DNAH9: variants seen among roughly 807,000 people sequenced by gnomAD.
The protein encoded by DNAH9 is DNAH9 variant protein.
DNAH9 carries 345 observed loss-of-function variants against 471.6 expected under a neutral mutation model. The observed-to-expected ratio is 0.73, with a 90% CI of 0.67 to 0.80. The LOEUF (loss-of-function observed/expected upper bound fraction) is 0.80. DNAH9 is among the 30% of genes least tolerant of loss of function. The probability of loss-of-function intolerance (pLI) is 0.00; values close to 1 mark genes in which losing one functional copy is unlikely to be tolerated. For missense variants in DNAH9, 5,407 were observed against 5,609.2 expected, an observed-to-expected ratio of 0.96 and a Z score of 1.15; for synonymous variants, 2,093 against 2,123.6, an observed-to-expected ratio of 0.99 and a Z score of 0.40.
At chr17:11,961,815 T>C in intron 67 of DNAH9, 52 bp from the exon 68 acceptor site, 1 of 1,539,206 alleles carries the variant, frequency 6.5e-7, no homozygotes, top group Non-Finnish European at 8.7e-7. Flanking sequence ...CCAGGTGTTT[T>C]CAGGGACTTC....
In DNAH9 at chr17:11,929,880, G is replaced by A. The variant is rs745552644; in HGVS notation, c.11892G>A (p.Val3964=). The change falls in exon 63 of 69, where the codon GTG becomes GTA. Residue 3964 remains valine (V), a synonymous_variant. Coordinates refer to ENST00000262442, the MANE Select transcript of DNAH9 (RefSeq NM_001372.4). ...CTTCCCACTAGAACATTCACCTGGT[G>A]GCCAAGTGGCTCAGCACCCTGGAGA... ...HWVILQNIHL[V]AKWLSTLEKK... 8.1e-6 allele frequency: 13 copies of A among 1,613,444 alleles called. No individual in the cohort carries two copies. In the African/African-American group the frequency reaches 1.5e-4, roughly 18 times the overall value.
At chr17:11,933,624 C>G (rs1974593222) in intron 64 of DNAH9, among the ~76,000 whole-genome samples, 3 of 152,158 alleles carry the variant, frequency 2.0e-5, no homozygotes, top group South Asian at 4.2e-4. Flanking sequence ...AGGTGATCCA[C>G]CCGCCTCGGC....
chr17:11,803,350 T>G (rs1049843182), intron 43 of DNAH9, among the ~76,000 whole-genome samples: 10 of 152,198 alleles, frequency 6.6e-5, no homozygotes, highest in South Asian at 2.1e-4. Context: ...ACTTCTTTTG[T>G]GCCCTGAGAA....
intron 41 of DNAH9, among the ~76,000 whole-genome samples, chr17:11,787,607 C>T (rs1968918090): frequency 6.6e-6 from 1 of 152,164 alleles, no homozygotes; most frequent in African/African-American, 2.4e-5. Flanking sequence ...TCTGTACTCC[C>T]CTCGCTCTGT....
At chr17:11,662,794 C>T (rs1349800715) in intron 14 of DNAH9, among the ~76,000 whole-genome samples, 2 of 107,486 alleles carry the variant, frequency 1.9e-5, no homozygotes, top group African/African-American at 3.6e-5. Context: ...CTCGCTCTGT[C>T]GCCCAGGCTG....
chr17:11,610,650 T>A, intron 3 of DNAH9, 96 bp downstream of exon 3: 1 of 1,190,850 alleles, frequency 8.4e-7, no homozygotes, highest in Admixed American at 2.3e-5. Flanking sequence ...TTGAGCCTAT[T>A]CTTCCCTATA....
chr17:11,931,672 G>A (rs1974512709), intron 63 of DNAH9, among the ~76,000 whole-genome samples: 1 of 152,146 alleles, frequency 6.6e-6, no homozygotes, highest in South Asian at 2.1e-4. Flanking sequence ...ATGGTGCCAT[G>A]GCATGTGCAC....
At position 11,669,247 on chromosome 17, in the gene DNAH9, C is replaced by T; in HGVS notation, c.2915C>T (p.Ser972Phe). 1 of 1,613,378 alleles carries T rather than the reference C, an allele frequency of 6.2e-7. No homozygotes were observed. Among genetic ancestry groups the T allele is most frequent in the Non-Finnish European group, 8.5e-7 (1 of 1,179,568 alleles). Residue 972 changes from serine to phenylalanine, a missense_variant, in exon 16 of 69, where the codon TCT becomes TTT. Ser to Phe is a radical substitution (Grantham distance 155). Around this residue, in one of 3 missense-constraint regions of DNAH9, gnomAD observed 4,636 missense variants for 4,900.3 expected, o/e 0.95. Transcript: ENST00000262442. ...LVPRLSPQNG[S>F]PHYQVDLDGI... ...CCACGGCTTTCCCCACAAAATGGCT[C>T]TCCTCACTATCAGGTACTGGAGCTG...
intron 15 of DNAH9, among the ~76,000 whole-genome samples, chr17:11,668,664 CAAAAAAA>C (rs56347198): frequency 3.0e-5 from 3 of 100,552 alleles, no homozygotes; most frequent in Non-Finnish European, 6.1e-5. Flanking sequence ...GACTGCATCT[CAAAAAAA>C]AAAAAAAAAA....
intron 10 of DNAH9, among the ~76,000 whole-genome samples, chr17:11,642,821 G>A (rs1597423199): frequency 6.6e-6 from 1 of 152,206 alleles, no homozygotes; most frequent in African/African-American, 2.4e-5. Context: ...GCCCATTCGG[G>A]CTGGAGCATA....
rs146338883 is a variant in DNAH9 at position 11,611,902 on chromosome 17, A to G, written c.904+122A>G. ...CCTTGTAAATTTCCGACCCGACACA[A>G]ACTAGCATGGTGGCAAGAATACCAC... On this transcript the variant is annotated intron_variant, in intron 4 of 68. Transcript: ENST00000262442. The G allele has an allele frequency of 1.7e-4, 154 of 918,898 alleles. 2 individuals carry two copies. In the East Asian group the frequency reaches 3.6e-3, roughly 21 times the overall value. 56.9% of individuals were successfully genotyped at this position (918,898 alleles called of 1,614,324 possible).
chr17:11,872,711 G>A (rs1181096094), intron 52 of DNAH9, among the ~76,000 whole-genome samples: 1 of 152,160 alleles, frequency 6.6e-6, no homozygotes, highest in Non-Finnish European at 1.5e-5. Flanking sequence ...ACGAGGTCAG[G>A]AGATCGAGAC....
chr17:11,761,908 A>G (rs1391492718), intron 35 of DNAH9, among the ~76,000 whole-genome samples: 2 of 152,134 alleles, frequency 1.3e-5, no homozygotes, highest in South Asian at 4.2e-4. Flanking sequence ...GTGAGAAGCC[A>G]GGGTTGCAAA....
chr17:11,671,355 G>T (rs2073968618), intron 17 of DNAH9, among the ~76,000 whole-genome samples: 1 of 152,198 alleles, frequency 6.6e-6, no homozygotes, highest in Admixed American at 6.5e-5. Flanking sequence ...AGAGGACGGT[G>T]TATGGCATAC....
At chr17:11,791,364 T>C (rs545083249) in intron 41 of DNAH9, among the ~76,000 whole-genome samples, 2 of 152,304 alleles carry the variant, frequency 1.3e-5, no homozygotes, top group South Asian at 4.1e-4. Flanking sequence ...GTCAACTTCC[T>C]ACCTTTGAGA....
At chr17:11,929,148 C>T (rs1317675626) in intron 62 of DNAH9, among the ~76,000 whole-genome samples, 1 of 151,644 alleles carries the variant, frequency 6.6e-6, no homozygotes, top group Non-Finnish European at 1.5e-5. Context: ...CATTCTCCTC[C>T]CTCAGCCTCC....
At chr17:11,894,591 A>T in intron 59 of DNAH9, 95 bp downstream of exon 59, 2 of 1,513,992 alleles carry the variant, frequency 1.3e-6, no homozygotes, top group Non-Finnish European at 1.8e-6. Context: ...TCTCTGTTGG[A>T]GTTCAAGCAT....
At chr17:11,848,622 C>G (rs1224654735) in intron 49 of DNAH9, among the ~76,000 whole-genome samples, 2 of 151,532 alleles carry the variant, frequency 1.3e-5, no homozygotes, top group African/African-American at 4.9e-5. Context: ...ATGTTTTTAC[C>G]CTTTGACCCG....
chr17:11,651,512 G>T (rs2073506424), intron 13 of DNAH9, among the ~76,000 whole-genome samples, 188 bp downstream of exon 13: 1 of 152,032 alleles, frequency 6.6e-6, no homozygotes, highest in Admixed American at 6.6e-5. Flanking sequence ...CTTTTCTATG[G>T]ATATAGTTGA....
Sources: allele counts gnomAD v4.1 joint callset (sites outside exome capture counted in the v4.1 genomes callset), GRCh38; gene constraint gnomAD v4.1.1; regional missense constraint gnomAD v4.1.1; transcripts MANE v1.5; gene names NCBI Gene and HGNC (gene_info 2026-07-23, HGNC 2026-07-21).